Variants in ARHGAP15 observed in about 807,000 individuals in gnomAD.
ARHGAP15 encodes the protein Rho GTPase activating protein 15.
Under a neutral mutation model 63.7 loss-of-function variants are expected in ARHGAP15, and 51 were observed. The observed-to-expected ratio is 0.80, with a 90% CI of 0.64 to 1.01. The LOEUF is 1.01. Ranked by LOEUF, ARHGAP15 falls within the 50% of genes least tolerant of loss-of-function variation. The probability of loss-of-function intolerance (pLI) is 0.00; values close to 1 mark genes in which losing one functional copy is unlikely to be tolerated. For missense variants in ARHGAP15, 560 were observed against 564.6 expected, an observed-to-expected ratio of 0.99 and a Z score of 0.08; for synonymous variants, 191 against 193.8, an observed-to-expected ratio of 0.99 and a Z score of 0.12.
At chr2:143,708,272 A>G (rs1684420681) in intron 13 of ARHGAP15, among the ~76,000 whole-genome samples, 1 of 152,296 alleles carries the variant, frequency 6.6e-6, no homozygotes, top group East Asian at 1.9e-4. Flanking sequence ...ATTTTACATC[A>G]ATGTATTTTT....
intron 12 of ARHGAP15, among the ~76,000 whole-genome samples, chr2:143,627,739 C>G (rs1698892840): frequency 6.6e-6 from 1 of 152,052 alleles, no homozygotes; most frequent in South Asian, 2.1e-4. Context: ...TCTTTGTCCT[C>G]AGATCCTAGT....
intron 11 of ARHGAP15, among the ~76,000 whole-genome samples, chr2:143,595,581 G>A (rs1004225502): frequency 1.3e-5 from 2 of 152,010 alleles, no homozygotes; most frequent in Non-Finnish European, 2.9e-5. Context: ...GTTTAATTTT[G>A]TACCCTCAGA....
At chr2:143,615,164 T>C (rs894231524) in intron 11 of ARHGAP15, among the ~76,000 whole-genome samples, 1 of 152,212 alleles carries the variant, frequency 6.6e-6, no homozygotes, top group African/African-American at 2.4e-5. Context: ...AAAATTATCA[T>C]TAATAATTAC....
chr2:143,212,087 A>G (rs1033114351), intron 3 of ARHGAP15, among the ~76,000 whole-genome samples: 1 of 152,192 alleles, frequency 6.6e-6, no homozygotes, highest in South Asian at 2.1e-4. Context: ...AATGGTGTAG[A>G]TGAAAATCTA....
intron 6 of ARHGAP15, among the ~76,000 whole-genome samples, chr2:143,320,263 T>A (rs1281655984): frequency 6.6e-6 from 1 of 152,126 alleles, no homozygotes; most frequent in Non-Finnish European, 1.5e-5. Context: ...GCCAGGACAG[T>A]GGTGGGCTGG....
chr2:143,579,808 C>T (rs1304765837), intron 11 of ARHGAP15, among the ~76,000 whole-genome samples: 3 of 151,794 alleles, frequency 2.0e-5, no homozygotes, highest in Non-Finnish European at 4.4e-5. Flanking sequence ...AGATTCTGAA[C>T]TTTTCCAGCA....
At chr2:143,287,973 G>T (rs1159613361) in intron 6 of ARHGAP15, among the ~76,000 whole-genome samples, 1 of 152,188 alleles carries the variant, frequency 6.6e-6, no homozygotes, top group Non-Finnish European at 1.5e-5. Context: ...TTAAGAGGTT[G>T]TATCGGAGTC....
chr2:143,171,345 C>A (rs1295726951), intron 2 of ARHGAP15, among the ~76,000 whole-genome samples: 1 of 152,144 alleles, frequency 6.6e-6, no homozygotes, highest in Non-Finnish European at 1.5e-5. Flanking sequence ...AGCCAGAATT[C>A]TGTTGCTCTT....
At chr2:143,445,161 T>TA (rs1690076846) in intron 8 of ARHGAP15, among the ~76,000 whole-genome samples, 2 of 128,604 alleles carry the variant, frequency 1.6e-5, no homozygotes, top group African/African-American at 6.0e-5. Context: ...TTATTTTTTT[T>TA]TTTTTTTTTT....
intron 2 of ARHGAP15, among the ~76,000 whole-genome samples, chr2:143,169,160 C>A (rs1214761886): frequency 6.6e-6 from 1 of 152,024 alleles, no homozygotes; most frequent in Non-Finnish European, 1.5e-5. Flanking sequence ...TATTGACATT[C>A]TGAGATTTCA....
At chr2:143,713,803 G>C (rs1684688857) in intron 13 of ARHGAP15, among the ~76,000 whole-genome samples, 1 of 152,190 alleles carries the variant, frequency 6.6e-6, no homozygotes, top group African/African-American at 2.4e-5. Flanking sequence ...TTTGACTCCA[G>C]GTCTCACATT....
At chr2:143,565,603 A>G (rs1027572571) in intron 11 of ARHGAP15, among the ~76,000 whole-genome samples, 2 of 152,234 alleles carry the variant, frequency 1.3e-5, no homozygotes, top group Non-Finnish European at 2.9e-5. Flanking sequence ...GATGCCTATA[A>G]GTTAGCACTT....
chr2:143,746,298 A>AC (rs1438002120), intron 13 of ARHGAP15, among the ~76,000 whole-genome samples: 1 of 152,024 alleles, frequency 6.6e-6, no homozygotes, highest in East Asian at 1.9e-4. Context: ...TTTTTCAAAA[A>AC]AAAACCCTCT....
chr2:143,492,831 C>A (rs1380653296), intron 9 of ARHGAP15, among the ~76,000 whole-genome samples: 4 of 151,888 alleles, frequency 2.6e-5, no homozygotes, highest in Non-Finnish European at 4.4e-5. Context: ...CAGAGGCGGG[C>A]AGATCACGAG....
intron 11 of ARHGAP15, among the ~76,000 whole-genome samples, chr2:143,590,653 A>G (rs1339774942): frequency 6.6e-6 from 1 of 152,168 alleles, no homozygotes; most frequent in Non-Finnish European, 1.5e-5. Context: ...AAATCCTTCC[A>G]GAATCGCCTT....
chr2:143,356,402 A>T (rs1253701556), intron 6 of ARHGAP15, among the ~76,000 whole-genome samples: 1 of 152,142 alleles, frequency 6.6e-6, no homozygotes, highest in East Asian at 1.9e-4. Context: ...ACATGAAGGC[A>T]CCACCCCCCT....
chr2:143,411,830 G>A (rs1558953232), intron 6 of ARHGAP15, among the ~76,000 whole-genome samples: 1 of 152,180 alleles, frequency 6.6e-6, no homozygotes, highest in Non-Finnish European at 1.5e-5. Context: ...AGCAAGTAGT[G>A]AGAAAGTATA....
intron 11 of ARHGAP15, among the ~76,000 whole-genome samples, chr2:143,609,786 C>T (rs191135768): frequency 5.9e-4 from 90 of 152,178 alleles, no homozygotes; most frequent in African/African-American, 1.9e-3. Flanking sequence ...ATTGGGCCAA[C>T]GAGAGGCATC....
chr2:143,413,505 T>G (rs1029394044), intron 6 of ARHGAP15, among the ~76,000 whole-genome samples: 39 of 152,216 alleles, frequency 2.6e-4, no homozygotes, highest in African/African-American at 9.4e-4. Context: ...TATTGATTGA[T>G]TCAGACAGTC....
Sources: gnomAD v4.1 joint callset for allele counts (sites outside exome capture counted in the v4.1 genomes callset) on GRCh38, gnomAD v4.1.1 for gene constraint, MANE v1.5 for transcripts, NCBI Gene and HGNC (gene_info 2026-07-23, HGNC 2026-07-21) for gene names.